Variants in MACROH2A2 observed in about 807,000 individuals in gnomAD.
MACROH2A2 encodes the protein macroH2A.2 histone.
Under a neutral mutation model 37.6 loss-of-function variants are expected in MACROH2A2, and 6 were observed. The observed-to-expected ratio is 0.16, with a 90% CI of 0.09 to 0.32. MACROH2A2 has a LOEUF of 0.32. MACROH2A2 is among the 10% of genes least tolerant of loss of function. MACROH2A2 has a pLI of 1.00. For synonymous variants in MACROH2A2, 192 were observed against 202.7 expected (o/e 0.95, Z 0.45); for missense variants, 290 against 485.9 (o/e 0.60, Z 3.79).
intron 2 of MACROH2A2, among the ~76,000 whole-genome samples, chr10:70,078,058 T>C (rs945121356): frequency 6.6e-6 from 1 of 152,242 alleles, no homozygotes; most frequent in East Asian, 1.9e-4. Context: ...AAGTACTTCC[T>C]GTGCCTCCGT....
chr10:70,091,598 C>T (rs542293357), intron 3 of MACROH2A2, among the ~76,000 whole-genome samples, 159 bp from the exon 4 acceptor site: 19 of 151,264 alleles, frequency 1.3e-4, no homozygotes, highest in Admixed American at 1.1e-3. Flanking sequence ...TTGCTTGAAC[C>T]TGGAGGCGGA....
At chr10:70,086,667 T>C (rs1415158565) in intron 2 of MACROH2A2, among the ~76,000 whole-genome samples, 1 of 152,152 alleles carries the variant, frequency 6.6e-6, no homozygotes, top group African/African-American at 2.4e-5. Context: ...TAAATGCAGG[T>C]AACAGGAGAG....
chr10:70,081,724 C>T (rs2136629591), intron 2 of MACROH2A2, among the ~76,000 whole-genome samples: 1 of 152,166 alleles, frequency 6.6e-6, no homozygotes, highest in South Asian at 2.1e-4. Context: ...GGGGTGGGGA[C>T]TCTTCACACT....
In MACROH2A2 at chr10:70,107,052, C is replaced by G. The variant is rs116675498; in HGVS notation, c.779-1981C>G. ...TCATTGTTCAGTCCAAAGAGGGACA[C>G]TCTGCTTCTGGTGCACAAATATACG... On this transcript the variant is annotated intron_variant, in intron 7 of 8. Coordinates refer to ENST00000373255, the MANE Select transcript of MACROH2A2 (RefSeq NM_018649.3). The surrounding 1 kb of genome is among the most constrained non-coding windows in gnomAD (Gnocchi z 4.4). Among the ~76,000 whole-genome samples the G allele has an allele frequency of 0.017, 2,586 of 152,252 alleles. 66 individuals are homozygous for G. Among genetic ancestry groups the G allele is most frequent in the African/African-American group, 0.058 (2,428 of 41,534 alleles).
intron 7 of MACROH2A2, among the ~76,000 whole-genome samples, chr10:70,100,617 CTTTTT>C (rs34180859): frequency 7.2e-6 from 1 of 138,002 alleles, no homozygotes; most frequent in Non-Finnish European, 1.5e-5. Context: ...ATGTTTTGTT[CTTTTT>C]TTTTTTTTTT....
chr10:70,106,598 A>T (rs1384348445), intron 7 of MACROH2A2, among the ~76,000 whole-genome samples: 1 of 152,084 alleles, frequency 6.6e-6, no homozygotes, highest in South Asian at 2.1e-4. Context: ...GGAGTTCAAG[A>T]CCAACCTGGC....
intron 2 of MACROH2A2, among the ~76,000 whole-genome samples, chr10:70,089,765 A>AT (rs1554822529): frequency 4.7e-5 from 7 of 149,836 alleles, no homozygotes; most frequent in African/African-American, 7.3e-5. Context: ...ATTTTTTTAA[A>AT]TTTTTTTTTT....
At position 70,111,651 on chromosome 10, in the gene MACROH2A2, G is replaced by T; in HGVS notation, c.1087G>T (p.Val363Leu). 6.2e-7 allele frequency: 1 copy of T among 1,611,824 alleles called. No individual in the cohort carries two copies. The highest frequency in any genetic ancestry group is 8.5e-7 in the Non-Finnish European group (1 of 1,178,930). Residue 363 changes from valine (V) to leucine (L), a missense_variant, in exon 9 of 9, where the codon GTG becomes TTG. By Grantham distance (32) the Val-to-Leu change is conservative (BLOSUM62 1). This residue lies in a region of MACROH2A2 where 130 missense variants were observed against 257.1 expected (regional missense o/e 0.51). Coordinates refer to ENST00000373255, the MANE Select transcript of MACROH2A2 (RefSeq NM_018649.3). ...LFDSESIGIY[V>L]QEMAKLDAK ...CGACAGCGAGAGCATCGGCATCTAC[G>T]TGCAGGAGATGGCCAAGCTCGACGC...
At position 70,110,740 on chromosome 10, in the gene MACROH2A2, A is replaced by AT. The variant is rs1491166974; in HGVS notation, c.954-771dup. ...CTCTACAAAAAATTTAAAAAAAAAA[A>AT]TTTTTTTATAGGCACACGCCTTTAG... is the stretch of plus-strand genomic sequence containing the variant. On this transcript the variant is annotated intron_variant, in intron 8 of 8. Coordinates refer to ENST00000373255, the MANE Select transcript of MACROH2A2 (RefSeq NM_018649.3). Among the ~76,000 whole-genome samples the AT allele has an allele frequency of 2.9e-4, 43 of 146,164 alleles. 1 individual carries two copies. Among genetic ancestry groups the AT allele is most frequent in the Admixed American group, 2.5e-3 (37 of 14,708 alleles).
At chr10:70,077,090 C>G (rs2072144309) in intron 2 of MACROH2A2, among the ~76,000 whole-genome samples, 1 of 152,094 alleles carries the variant, frequency 6.6e-6, no homozygotes, top group African/African-American at 2.4e-5. Flanking sequence ...CTCTGAAAAG[C>G]AGTTCTTTTC....
chr10:70,075,676 G>A lies in MACROH2A2; in HGVS notation c.18G>A (p.Gly6=). Residue 6 remains glycine (G), a synonymous_variant, in exon 2 of 9, where the codon GGG becomes GGA. Coordinates refer to ENST00000373255, the MANE Select transcript of MACROH2A2 (RefSeq NM_018649.3). This position sits in a 1 kb window ranked among gnomAD's most constrained non-coding sequence, Gnocchi z 5.0. ...GAAGCAAGATGTCGGGCCGGAGTGG[G>A]AAGAAGAAAATGTCCAAGCTGTCCC... is the stretch of plus-strand genomic sequence containing the variant. MSGRS[G]KKKMSKLSRS... is the part of the protein sequence containing the mutation. The A allele has an allele frequency of 2.5e-6, 4 of 1,614,178 alleles. No homozygotes were observed. Among genetic ancestry groups the A allele is most frequent in the Non-Finnish European group, 3.4e-6 (4 of 1,180,028 alleles).
intron 2 of MACROH2A2, among the ~76,000 whole-genome samples, chr10:70,088,998 G>A (rs2072227840): frequency 6.6e-6 from 1 of 152,200 alleles, no homozygotes; most frequent in Non-Finnish European, 1.5e-5. Flanking sequence ...CAGCTACTCA[G>A]GAGGCTGAGG....
intron 1 of MACROH2A2, among the ~76,000 whole-genome samples, chr10:70,057,548 G>C (rs890509274): frequency 1.3e-5 from 2 of 152,212 alleles, no homozygotes; most frequent in Non-Finnish European, 2.9e-5. Context: ...ACTATTTGCT[G>C]TCATGAGGGT....
chr10:70,103,314 C>G (rs555592663), intron 7 of MACROH2A2, among the ~76,000 whole-genome samples: 1 of 152,280 alleles, frequency 6.6e-6, no homozygotes, highest in South Asian at 2.1e-4. Context: ...TGATAGGGTG[C>G]AAAGGAGAGG....
chr10:70,065,836 A>T (rs1020203145), intron 1 of MACROH2A2, among the ~76,000 whole-genome samples: 3 of 152,172 alleles, frequency 2.0e-5, no homozygotes, highest in Non-Finnish European at 4.4e-5. Context: ...ATAGAAAAAA[A>T]ATCCATGTTA....
At chr10:70,070,962 AGT>A (rs9299504) in intron 1 of MACROH2A2, among the ~76,000 whole-genome samples, 30,237 of 149,846 alleles carry the variant, frequency 0.2, 3,193 homozygotes, top group Middle Eastern at 0.3. Context: ...TTTTGAGGAA[AGT>A]GTGTGTGTGT....
chr10:70,101,165 C>T (rs186042662), intron 7 of MACROH2A2, among the ~76,000 whole-genome samples: 13 of 152,198 alleles, frequency 8.5e-5, no homozygotes, highest in Non-Finnish European at 1.3e-4. Flanking sequence ...GTGAAGGCCC[C>T]GAGCTCTGGA....
intron 7 of MACROH2A2, among the ~76,000 whole-genome samples, chr10:70,108,066 T>A (rs1400875381): frequency 6.6e-6 from 1 of 151,870 alleles, no homozygotes; most frequent in African/African-American, 2.4e-5. Flanking sequence ...AAAAAAATTT[T>A]AAAAATTAGC....
intron 2 of MACROH2A2, among the ~76,000 whole-genome samples, chr10:70,080,565 G>A (rs562588320): frequency 1.3e-5 from 2 of 152,078 alleles, no homozygotes; most frequent in Middle Eastern, 3.4e-3. Flanking sequence ...GTGAGACCTC[G>A]TCTCTACAAG....
Sources: allele counts gnomAD v4.1 joint callset (sites outside exome capture counted in the v4.1 genomes callset), GRCh38; gene constraint gnomAD v4.1.1; regional missense constraint gnomAD v4.1.1; non-coding constraint Gnocchi (gnomAD v3.1); transcripts MANE v1.5; gene names NCBI Gene and HGNC (gene_info 2026-07-23, HGNC 2026-07-21).